The following PRDM16 variants were observed in gnomAD, a reference collection of about 807,000 sequenced individuals.
The protein encoded by PRDM16 is PR/SET domain 16, also known as histone-lysine N-methyltransferase PRDM16.
Under a neutral mutation model 110.6 loss-of-function variants are expected in PRDM16, and 23 were observed. That is an observed-to-expected ratio of 0.21 (90% CI 0.15 to 0.29). The LOEUF (loss-of-function observed/expected upper bound fraction) is 0.29, where lower values mean the gene tolerates loss of function less well. PRDM16 is among the 10% of genes least tolerant of loss of function. The pLI is 1.00. For synonymous variants in PRDM16, 799 were observed against 781.8 expected (o/e 1.02, Z -0.37); for missense variants, 1,615 against 1,794.3 (o/e 0.90, Z 1.81).
chr1:3,165,953 T>C lies in PRDM16; in HGVS notation c.38-20172T>C, dbSNP rs1045696351. On this transcript the variant is annotated intron_variant, in intron 1 of 16. Transcript: ENST00000270722. ...CAGGGACAGGGACTCACCTTTTTTT[T>C]CTCCCAGTGACCACACCATTCCGTT... 2.0e-5 allele frequency among the ~76,000 whole-genome samples: 3 copies of C among 151,776 alleles called. No individual in the cohort carries two copies. The South Asian group carries it at 6.3e-4, about 32-fold the overall frequency.
intron 3 of PRDM16, among the ~76,000 whole-genome samples, chr1:3,362,223 CA>C (rs1383640346): frequency 1.3e-5 from 2 of 152,236 alleles, no homozygotes; most frequent in Non-Finnish European, 2.9e-5. Context: ...CTCCTTCTAG[CA>C]GACGTGCCAC....
intron 3 of PRDM16, among the ~76,000 whole-genome samples, chr1:3,253,373 A>G (rs1639982858): frequency 1.2e-5 from 1 of 80,292 alleles, no homozygotes; most frequent in Non-Finnish European, 2.3e-5. Flanking sequence ...CCCACCCCAC[A>G]ACAGTCCCCA....
In PRDM16 at chr1:3,175,878, C is replaced by T. The variant is rs1644079446; in HGVS notation, c.38-10247C>T. Among the ~76,000 whole-genome samples the T allele has an allele frequency of 6.6e-6, 1 of 152,170 alleles. No individual in the cohort carries two copies. Reference sequence around the variant, plus strand: ...AGCTTCACGGCTAGGGAAGGAAAGTCAGAAGTGGGAGTGAGGCTCCTGCCT... The same window carrying T: ...AGCTTCACGGCTAGGGAAGGAAAGTTAGAAGTGGGAGTGAGGCTCCTGCCT... On this transcript the variant is annotated intron_variant, in intron 1 of 16. Coordinates refer to ENST00000270722, the MANE Select transcript of PRDM16 (RefSeq NM_022114.4). The surrounding 1 kb of genome is among the most constrained non-coding windows in gnomAD (Gnocchi z 4.8).
At chr1:3,388,492 T>C (rs993458851) in intron 4 of PRDM16, among the ~76,000 whole-genome samples, 2 of 152,138 alleles carry the variant, frequency 1.3e-5, no homozygotes, top group South Asian at 2.1e-4. Context: ...GTTCAAGACA[T>C]GTGACCTCAG....
At chr1:3,102,770 G>A (rs1431499865) in intron 1 of PRDM16, among the ~76,000 whole-genome samples, 6 of 152,168 alleles carry the variant, frequency 3.9e-5, no homozygotes, top group Admixed American at 3.9e-4. Flanking sequence ...GCCCACTGGG[G>A]CCCCTGCGGA....
chr1:3,428,678 G>A (rs61759213), intron 14 of PRDM16, among the ~76,000 whole-genome samples: 215 of 152,312 alleles, frequency 1.4e-3, no homozygotes, highest in Non-Finnish European at 2.5e-3. Context: ...CCTGCCCTCC[G>A]CCATCAGGAA....
In PRDM16 at chr1:3,076,128, G is replaced by C. The variant is rs555809087; in HGVS notation, c.37+6832G>C. 4.3e-4 allele frequency among the ~76,000 whole-genome samples: 66 copies of C among 152,326 alleles called. 1 individual carries two copies. The highest frequency in any genetic ancestry group is 3.9e-3 in the Admixed American group (59 of 15,310). On this transcript the variant is annotated intron_variant, in intron 1 of 16. Transcript: ENST00000270722. ...CCCACCAGCCCCGCGCTCCTCTCAG[G>C]ATAACAGGCTTCCCAGCACACTGTG...
chr1:3,123,543 T>G (rs1643141199), intron 1 of PRDM16, among the ~76,000 whole-genome samples: 2 of 152,140 alleles, frequency 1.3e-5, no homozygotes, highest in Non-Finnish European at 2.9e-5. Flanking sequence ...CAGCACAGAT[T>G]GCAGAGTCCC....
chr1:3,239,939 C>T (rs751936756), intron 2 of PRDM16, among the ~76,000 whole-genome samples: 12 of 137,310 alleles, frequency 8.7e-5, no homozygotes, highest in Non-Finnish European at 1.9e-4. Flanking sequence ...TGGGGGTGGG[C>T]GGGGAGAGAG....
At chr1:3,414,412 A>G in intron 9 of PRDM16, 148 bp from the exon 10 acceptor site, 1 of 636,918 alleles carries the variant, frequency 1.6e-6, no homozygotes, top group Non-Finnish European at 2.9e-6. Flanking sequence ...GAGTCTGGTG[A>G]GCGTTGGGGC....
In PRDM16 at chr1:3,437,570, C is replaced by G. The variant is rs1306831018; in HGVS notation, c.*3759C>G. The G allele has an allele frequency of 4.4e-6, 1 of 228,796 alleles. No homozygotes were observed. The highest frequency in any genetic ancestry group is 8.7e-6 in the Non-Finnish European group (1 of 115,372). The allele number at this position is 228,796 out of a possible 1,614,324, so 14.2% of individuals were successfully genotyped here. ...CCAGGGACGCCAGGACATAGCTGCT[C>G]CTGGTCAGTGGAGGTCAGCCGGGTA... On this transcript the variant is annotated 3_prime_UTR_variant, in exon 17 of 17. Coordinates refer to ENST00000270722, the MANE Select transcript of PRDM16 (RefSeq NM_022114.4).
At chr1:3,338,220 G>T (rs1203530020) in intron 3 of PRDM16, among the ~76,000 whole-genome samples, 5 of 152,248 alleles carry the variant, frequency 3.3e-5, no homozygotes, top group Non-Finnish European at 7.3e-5. Context: ...GGCAGGAGAA[G>T]GGGGCATACT....
chr1:3,226,686 AG>A (rs1284550690), intron 2 of PRDM16, among the ~76,000 whole-genome samples: 3 of 152,206 alleles, frequency 2.0e-5, no homozygotes, highest in Non-Finnish European at 4.4e-5. Flanking sequence ...CTGACGTTGA[AG>A]GCCATGCCAA....
chr1:3,338,083 G>A (rs187576532), intron 3 of PRDM16, among the ~76,000 whole-genome samples: 169 of 152,272 alleles, frequency 1.1e-3, no homozygotes, highest in African/African-American at 3.8e-3. Flanking sequence ...ATGCACACAC[G>A]TGTGCACACA....
chr1:3,355,663 T>C (rs1244276387), intron 3 of PRDM16, among the ~76,000 whole-genome samples: 1 of 152,102 alleles, frequency 6.6e-6, no homozygotes, highest in African/African-American at 2.4e-5. Flanking sequence ...CCTTCACTCT[T>C]GTGGCCCCGG....
intron 1 of PRDM16, among the ~76,000 whole-genome samples, chr1:3,130,299 G>A (rs1014008176): frequency 6.6e-6 from 1 of 152,216 alleles, no homozygotes; most frequent in Admixed American, 6.5e-5. Flanking sequence ...GAAGCTGGGG[G>A]CTCCAGGGCT....
At chr1:3,410,105 T>C (rs975770537) in intron 8 of PRDM16, among the ~76,000 whole-genome samples, 5 of 149,002 alleles carry the variant, frequency 3.4e-5, no homozygotes, top group African/African-American at 7.4e-5. Flanking sequence ...GTTGTGTGTG[T>C]GCGTGTGTGT....
At chr1:3,403,942 G>A (rs1280880502) in intron 6 of PRDM16, among the ~76,000 whole-genome samples, 1 of 152,176 alleles carries the variant, frequency 6.6e-6, no homozygotes, top group East Asian at 1.9e-4. Context: ...TAAACGTTTG[G>A]GCAAATCCCA....
intron 2 of PRDM16, among the ~76,000 whole-genome samples, chr1:3,204,928 GAA>G (rs1638719226): frequency 6.6e-6 from 1 of 152,192 alleles, no homozygotes; most frequent in African/African-American, 2.4e-5. Flanking sequence ...AATGTGCTCC[GAA>G]CGGGGAGCTG....
Sources: allele counts gnomAD v4.1 joint callset (sites outside exome capture counted in the v4.1 genomes callset), GRCh38; gene constraint gnomAD v4.1.1; non-coding constraint Gnocchi (gnomAD v3.1); transcripts MANE v1.5; gene names NCBI Gene and HGNC (gene_info 2026-07-23, HGNC 2026-07-21).